SUGP2: variants seen among roughly 807,000 people sequenced by gnomAD.
SUGP2 encodes SURP and G-patch domain-containing protein 2.
In SUGP2, 24 loss-of-function variants were observed where a neutral mutation model predicts 90.5. That is an observed-to-expected ratio of 0.27 (90% confidence interval 0.19 to 0.37). The LOEUF is 0.37. Among genes scored for constraint, SUGP2 ranks in the 10% least tolerant of loss-of-function variants. The pLI is 1.00. For synonymous variants in SUGP2, 473 were observed against 513.4 expected, an observed-to-expected ratio of 0.92 and a Z score of 1.06; for missense variants, 1,233 against 1,363.3, an observed-to-expected ratio of 0.90 and a Z score of 1.51.
At chr19:19,009,780 C>T (rs2058232866) in intron 5 of SUGP2, 75 bp downstream of exon 5, 3 of 1,509,646 alleles carry the variant, frequency 2.0e-6, no homozygotes, top group Non-Finnish European at 2.6e-6. Context: ...CAGGCCCCCC[C>T]AATTCTAAAG....
Position 18,995,150 on chromosome 19 carries a change from ACCGGCT to A in SUGP2, c.3116_3121del (p.Glu1039_Pro1040del). 1 of 1,585,910 alleles carries A rather than the reference ACCGGCT, an allele frequency of 6.3e-7. No homozygotes were observed. The highest frequency in any genetic ancestry group is 8.6e-7 in the Non-Finnish European group (1 of 1,164,894). The stretch of plus-strand genomic sequence containing the variant: ...CAGGCTGCCTGCTGCGTACACGCTG[ACCGGCT>A]CCCTGATGCCCTTTCCGAGGGAGCC... On this transcript the variant is annotated inframe_deletion, in exon 9 of 11. Transcript: ENST00000452918.
At chr19:19,019,756 G>A (rs1372464974) in intron 3 of SUGP2, among the ~76,000 whole-genome samples, 2 of 145,812 alleles carry the variant, frequency 1.4e-5, no homozygotes, top group African/African-American at 5.1e-5. Context: ...TTTTCCTTAT[G>A]CTTTAAGAAC....
chr19:19,031,080 G>T lies in SUGP2; in HGVS notation c.-9C>A. 1 of 1,609,016 alleles carries T rather than the reference G, an allele frequency of 6.2e-7. No homozygotes were observed. The highest frequency in any genetic ancestry group is 2.2e-5 in the East Asian group (1 of 44,802). ...ATTCGTCTGGCTGCCATGTTATTTTGCCCTATGGTGAGAGAGAAAAAAATA... is the reference window on the plus strand; with the variant it reads ...ATTCGTCTGGCTGCCATGTTATTTTTCCCTATGGTGAGAGAGAAAAAAATA... On this transcript the variant is annotated splice_region_variant and 5_prime_UTR_variant, in exon 2 of 11. Coordinates refer to ENST00000452918, the MANE Select transcript of SUGP2 (RefSeq NM_001017392.5).
Position 19,001,684 on chromosome 19 carries a change from AAAAG to A in SUGP2, c.2930-14_2930-11del, listed in dbSNP as rs778483838. On this transcript the variant is annotated splice_polypyrimidine_tract_variant and intron_variant, in intron 7 of 10. Coordinates refer to ENST00000452918, the MANE Select transcript of SUGP2 (RefSeq NM_001017392.5). ...CGAACTGGTTCATGGACTAGAAGAC[AAAAG>A]AAAGAGACACATACACATACATGTG... The A allele has an allele frequency of 1.9e-6, 3 of 1,614,136 alleles. No homozygotes were observed. Among genetic ancestry groups the A allele is most frequent in the African/African-American group, 2.7e-5 (2 of 75,076 alleles).
intron 3 of SUGP2, among the ~76,000 whole-genome samples, chr19:19,021,906 C>T (rs1158017681): frequency 6.6e-6 from 1 of 152,100 alleles, no homozygotes; most frequent in Non-Finnish European, 1.5e-5. Flanking sequence ...CTCAGGTGAT[C>T]CACCTGCTTC....
At chr19:19,029,146 A>T (rs1015376310) in intron 2 of SUGP2, among the ~76,000 whole-genome samples, 1 of 139,372 alleles carries the variant, frequency 7.2e-6, no homozygotes, top group Non-Finnish European at 1.6e-5. Context: ...GCCCAGATAA[A>T]TTTTTTTTTT....
chr19:19,033,286 C>G, intron 1 of SUGP2, 151 bp downstream of exon 1: 1 of 931,266 alleles, frequency 1.1e-6, no homozygotes, highest in Non-Finnish European at 1.3e-6. Context: ...AGCCGGCCAC[C>G]CAGGCCAACC....
chr19:19,027,310 A>G (rs1028258775), intron 2 of SUGP2, among the ~76,000 whole-genome samples: 1 of 152,178 alleles, frequency 6.6e-6, no homozygotes, highest in African/African-American at 2.4e-5. Flanking sequence ...AAAAAATCAA[A>G]TGAACAGGGA....
chr19:18,994,662 C>G, intron 9 of SUGP2, 176 bp from the exon 10 acceptor site: 1 of 900,480 alleles, frequency 1.1e-6, no homozygotes, highest in East Asian at 2.7e-5. Context: ...TACTCACCCT[C>G]GAAGAGCTGG....
intron 5 of SUGP2, among the ~76,000 whole-genome samples, chr19:19,009,087 A>G (rs2058201749): frequency 6.6e-6 from 1 of 151,412 alleles, no homozygotes; most frequent in Admixed American, 6.6e-5. Context: ...AATTTTTTGT[A>G]TTTTTAGTAG....
chr19:18,998,815 C>T (rs2057716968), intron 8 of SUGP2: 1 of 152,326 alleles, frequency 6.6e-6, no homozygotes, highest in Non-Finnish European at 1.5e-5. Context: ...GGGGCACAAA[C>T]AGTGAAGAGA....
intron 6 of SUGP2, among the ~76,000 whole-genome samples, chr19:19,007,739 A>C (rs2058137308): frequency 7.4e-6 from 1 of 135,282 alleles, no homozygotes; most frequent in Admixed American, 8.0e-5. Flanking sequence ...TACAAGCATG[A>C]GCCATTGCAC....
chr19:19,028,426 G>A (rs1356861863), intron 2 of SUGP2, among the ~76,000 whole-genome samples: 2 of 152,202 alleles, frequency 1.3e-5, no homozygotes, highest in Admixed American at 6.5e-5. Flanking sequence ...GAGCACAGAC[G>A]TGGATGTTCC....
At chr19:19,023,285 G>A (rs1255403458) in intron 3 of SUGP2, among the ~76,000 whole-genome samples, 1 of 152,200 alleles carries the variant, frequency 6.6e-6, no homozygotes, top group Non-Finnish European at 1.5e-5. Context: ...AGCCTCTCCT[G>A]TGTCGCTTTA....
chr19:19,030,322 T>C (rs2059105228), intron 2 of SUGP2, among the ~76,000 whole-genome samples: 1 of 152,018 alleles, frequency 6.6e-6, no homozygotes, highest in South Asian at 2.1e-4. Context: ...AAACCTCATC[T>C]CTACTACAAA....
chr19:19,000,572 A>G (rs926404255), intron 8 of SUGP2, among the ~76,000 whole-genome samples: 1 of 152,172 alleles, frequency 6.6e-6, no homozygotes, highest in African/African-American at 2.4e-5. Flanking sequence ...TTATTTTTTA[A>G]GGAGACCAGG....
rs780830463 is a variant in SUGP2 at position 19,010,150 on chromosome 19, C to G, written c.2043G>C (p.Gly681=). The G allele has an allele frequency of 1.2e-6, 2 of 1,612,764 alleles. No homozygotes were observed. Among genetic ancestry groups the G allele is most frequent in the South Asian group, 2.2e-5 (2 of 91,056 alleles). Residue 681 remains glycine, a synonymous_variant, in exon 5 of 11, where the codon GGG becomes GGC. Coordinates refer to ENST00000452918, the MANE Select transcript of SUGP2 (RefSeq NM_001017392.5). ...KKKLLPWQRR[G]LLRAQGLRGW... is the part of the protein sequence containing the mutation. ...CCCGGAGCCCTTGAGCACGGAGGAG[C>G]CCCCGCCGCTGCCACGGAAGGAGTT...
At chr19:19,011,224 C>T (rs116348663) in intron 4 of SUGP2, among the ~76,000 whole-genome samples, 3,049 of 151,730 alleles carry the variant, frequency 0.02, 101 homozygotes, top group African/African-American at 0.07. Flanking sequence ...TACAGCTCAC[C>T]GCAGCCTCGA....
At chr19:19,033,325 A>T in intron 1 of SUGP2, 112 bp downstream of exon 1, 1 of 1,078,582 alleles carries the variant, frequency 9.3e-7, no homozygotes, top group Non-Finnish European at 1.1e-6. Context: ...CGCCGCAGCC[A>T]GAGGGCCGAG....
Sources: allele counts gnomAD v4.1 joint callset (sites outside exome capture counted in the v4.1 genomes callset), GRCh38; gene constraint gnomAD v4.1.1; transcripts MANE v1.5; gene names NCBI Gene and HGNC (gene_info 2026-07-23, HGNC 2026-07-21).